The following TPD52L1 variants were observed in gnomAD, a reference collection of about 807,000 sequenced individuals.
TPD52L1 encodes the protein TPD52 like 1.
In TPD52L1, 18 loss-of-function variants were observed where a neutral mutation model predicts 28.7. That is an observed-to-expected ratio of 0.63 (90% CI 0.43 to 0.93). The LOEUF (loss-of-function observed/expected upper bound fraction) is 0.93, where lower values mean the gene tolerates loss of function less well. TPD52L1 is among the 40% of genes least tolerant of loss of function. The probability of loss-of-function intolerance (pLI) is 0.00; values close to 1 mark genes in which losing one functional copy is unlikely to be tolerated. For missense variants in TPD52L1, 203 were observed against 254.8 expected (o/e 0.80, Z 1.39); for synonymous variants, 75 against 88.8 (o/e 0.84, Z 0.88).
At chr6:125,254,222 A>T (rs1340217308) in intron 5 of TPD52L1, among the ~76,000 whole-genome samples, 1 of 152,204 alleles carries the variant, frequency 6.6e-6, no homozygotes, top group Non-Finnish European at 1.5e-5. Flanking sequence ...TAAGGTGGAT[A>T]TTAAGGTGAG....
At chr6:125,233,428 T>C (rs1396259223) in intron 3 of TPD52L1, among the ~76,000 whole-genome samples, 1 of 152,158 alleles carries the variant, frequency 6.6e-6, no homozygotes, top group Non-Finnish European at 1.5e-5. Context: ...AGTTCAGGAG[T>C]GCCAGTGAAG....
At chr6:125,183,041 A>C (rs953591541) in intron 1 of TPD52L1, among the ~76,000 whole-genome samples, 6 of 152,200 alleles carry the variant, frequency 3.9e-5, no homozygotes, top group Non-Finnish European at 5.9e-5. Context: ...GTCTTTATAC[A>C]ATAAGTAGGA....
intron 1 of TPD52L1, among the ~76,000 whole-genome samples, chr6:125,198,932 G>C (rs1282384052): frequency 6.6e-6 from 1 of 152,192 alleles, no homozygotes; most frequent in Non-Finnish European, 1.5e-5. Context: ...AAATTCCATA[G>C]TGCTGAGGCT....
intron 1 of TPD52L1, among the ~76,000 whole-genome samples, chr6:125,196,914 G>A (rs555540138): frequency 1.2e-3 from 190 of 152,288 alleles, no homozygotes; most frequent in Middle Eastern, 3.4e-3. Flanking sequence ...CATATTCCTA[G>A]ATCATTAGGC....
chr6:125,204,999 T>A (rs1794026973), intron 1 of TPD52L1, among the ~76,000 whole-genome samples: 1 of 152,204 alleles, frequency 6.6e-6, no homozygotes, highest in Non-Finnish European at 1.5e-5. Context: ...AACTCTTTAT[T>A]CTCCACAATG....
chr6:125,260,954 AAG>A (rs1419474706), intron 6 of TPD52L1: 1 of 40,008 alleles, frequency 2.5e-5, no homozygotes, highest in African/African-American at 2.6e-4. Context: ...GAAAGAAAGA[AAG>A]AAAGAAAGAA....
intron 1 of TPD52L1, among the ~76,000 whole-genome samples, chr6:125,163,575 C>A (rs888745326): frequency 6.7e-6 from 1 of 148,918 alleles, no homozygotes; most frequent in African/African-American, 2.5e-5. Flanking sequence ...CAAAGTGACA[C>A]CCTGTCTAAA....
chr6:125,231,129 G>A (rs1795924286), intron 3 of TPD52L1: 1 of 152,228 alleles, frequency 6.6e-6, no homozygotes, highest in African/African-American at 2.4e-5. Flanking sequence ...GGTCACCTCT[G>A]TATTTAATCC....
chr6:125,200,499 C>T (rs1361239945), intron 1 of TPD52L1, among the ~76,000 whole-genome samples: 1 of 152,136 alleles, frequency 6.6e-6, no homozygotes, highest in Admixed American at 6.5e-5. Flanking sequence ...CAGTTATATA[C>T]GTGCTTATTG....
chr6:125,243,894 A>G (rs1796767172), intron 3 of TPD52L1, among the ~76,000 whole-genome samples: 1 of 152,030 alleles, frequency 6.6e-6, no homozygotes, highest in Non-Finnish European at 1.5e-5. Context: ...TACTAGAATT[A>G]CTTTTCTGGT....
At chr6:125,202,320 A>C (rs1459261119) in intron 1 of TPD52L1, among the ~76,000 whole-genome samples, 3 of 152,216 alleles carry the variant, frequency 2.0e-5, no homozygotes, top group Non-Finnish European at 2.9e-5. Flanking sequence ...ACTAGCTCTG[A>C]AAGATGACTC....
At chr6:125,156,010 G>T (rs896739125) in intron 1 of TPD52L1, among the ~76,000 whole-genome samples, 1 of 152,144 alleles carries the variant, frequency 6.6e-6, no homozygotes, top group Admixed American at 6.5e-5. Context: ...CTCACTCAAA[G>T]CCTATGACTT....
At chr6:125,159,973 G>C (rs897908100) in intron 1 of TPD52L1, among the ~76,000 whole-genome samples, 1 of 152,126 alleles carries the variant, frequency 6.6e-6, no homozygotes, top group Non-Finnish European at 1.5e-5. Flanking sequence ...TCTCATGATA[G>C]CAAGTCTCAC....
At chr6:125,204,875 A>T (rs1442324331) in intron 1 of TPD52L1, among the ~76,000 whole-genome samples, 1 of 152,244 alleles carries the variant, frequency 6.6e-6, no homozygotes, top group Non-Finnish European at 1.5e-5. Context: ...ACCTAGTGTG[A>T]ACAAGGAAGC....
chr6:125,253,741 T>C lies in TPD52L1; in HGVS notation c.411T>C (p.Ser137=), dbSNP rs140752809. The change falls in exon 5 of 7, where the codon AGT becomes AGC. Residue 137 remains serine (S), a synonymous_variant. Transcript: ENST00000534000. ...DMSYSIRHSI[S]MPAMRNSPTF... is the part of the protein sequence containing the mutation. Reference sequence around the variant, plus strand: ...GTTACTCCATTCGCCATTCCATAAGTATGCCTGCTATGAGGTAATGTGTGT... The same window carrying C: ...GTTACTCCATTCGCCATTCCATAAGCATGCCTGCTATGAGGTAATGTGTGT... 1 of 1,613,110 alleles carries C rather than the reference T, an allele frequency of 6.2e-7. No homozygotes were observed. Among genetic ancestry groups the C allele is most frequent in the Non-Finnish European group, 8.5e-7 (1 of 1,179,338 alleles).
In TPD52L1 at chr6:125,188,128, C is replaced by T. The variant is rs74606915; in HGVS notation, c.20-31950C>T. On this transcript the variant is annotated intron_variant, in intron 1 of 6. Coordinates refer to ENST00000534000, the MANE Select transcript of TPD52L1 (RefSeq NM_003287.4). ...CAAGCATATATTAATTAGTACATTC[C>T]GCCAAAGCCTTCAGCTTCTTAGGTT... 5.6e-3 allele frequency among the ~76,000 whole-genome samples: 852 copies of T among 152,296 alleles called. 6 individuals are homozygous for T. The highest frequency in any genetic ancestry group is 0.019 in the African/African-American group (802 of 41,548).
chr6:125,208,070 T>A (rs1483029540), intron 1 of TPD52L1, among the ~76,000 whole-genome samples: 1 of 152,184 alleles, frequency 6.6e-6, no homozygotes, highest in East Asian at 1.9e-4. Flanking sequence ...CCTTTTTCAA[T>A]ATAGTTTCAG....
intron 1 of TPD52L1, among the ~76,000 whole-genome samples, chr6:125,155,855 C>T (rs944974348): frequency 6.6e-6 from 1 of 152,116 alleles, no homozygotes; most frequent in Non-Finnish European, 1.5e-5. Flanking sequence ...TATTCTCATT[C>T]CCATTCTACA....
At chr6:125,242,004 A>T (rs1796641207) in intron 3 of TPD52L1, among the ~76,000 whole-genome samples, 1 of 151,894 alleles carries the variant, frequency 6.6e-6, no homozygotes, top group African/African-American at 2.4e-5. Context: ...TGTATCCCAG[A>T]GGTTTTGATA....
Sources: gnomAD v4.1 joint callset for allele counts (sites outside exome capture counted in the v4.1 genomes callset) on GRCh38, gnomAD v4.1.1 for gene constraint, MANE v1.5 for transcripts, NCBI Gene and HGNC (gene_info 2026-07-23, HGNC 2026-07-21) for gene names.